GLRA2: variants seen among roughly 807,000 people sequenced by gnomAD.
GLRA2 encodes the protein glycine receptor subunit alpha-2.
A neutral mutation model predicts 31.6 loss-of-function variants in GLRA2; 11 were observed. The ratio of observed to expected loss-of-function variants is 0.35; its 90% confidence interval spans 0.22 to 0.58. The LOEUF is 0.58. Among genes scored for constraint, GLRA2 ranks in the 20% least tolerant of loss-of-function variants. The pLI, the probability that GLRA2 is intolerant of heterozygous loss-of-function variation, is 0.84. For synonymous variants in GLRA2, 132 were observed against 134.0 expected, an observed-to-expected ratio of 0.99 and a Z score of 0.10; for missense variants, 212 against 351.8, an observed-to-expected ratio of 0.60 and a Z score of 3.18.
chrX:14,484,739 G>A, the GLRA2 span, among the ~76,000 whole-genome samples: 1 of 111,838 alleles, frequency 8.9e-6, no homozygotes, highest in Non-Finnish European at 1.9e-5. Flanking sequence ...ACTATGTCAT[G>A]TTGGTGATGG....
chrX:14,688,909 G>C (rs1281820922), intron 7 of GLRA2, among the ~76,000 whole-genome samples: 1 of 111,759 alleles, frequency 8.9e-6, no homozygotes, highest in African/African-American at 3.2e-5. Context: ...GGGAGCTGTA[G>C]ACTGGAGCTG....
chrX:14,585,379 G>A (rs2090069041), intron 4 of GLRA2, among the ~76,000 whole-genome samples: 1 of 111,392 alleles, frequency 9.0e-6, no homozygotes, highest in Non-Finnish European at 1.9e-5. Context: ...AGGAAACAAG[G>A]AAAACAAAAG....
At chrX:14,721,239 T>A (rs1268982449) in intron 8 of GLRA2, among the ~76,000 whole-genome samples, 1 of 111,019 alleles carries the variant, frequency 9.0e-6, no homozygotes, top group African/African-American at 3.3e-5. Flanking sequence ...TTAGGAGGAT[T>A]ACGTTTTAGA....
chrX:14,649,385 A>T (rs2147136385), intron 7 of GLRA2, among the ~76,000 whole-genome samples: 1 of 111,448 alleles, frequency 9.0e-6, no homozygotes, highest in South Asian at 3.8e-4. Flanking sequence ...CATCAGTAGT[A>T]GGATGAGTAT....
intron 3 of GLRA2, among the ~76,000 whole-genome samples, chrX:14,574,861 C>T (rs1234052039): frequency 6.3e-5 from 7 of 111,332 alleles, no homozygotes; most frequent in African/African-American, 2.3e-4. Flanking sequence ...TAAATAGGTG[C>T]ATCTCCAATG....
At chrX:14,545,770 A>G (rs1905559458) in intron 2 of GLRA2, among the ~76,000 whole-genome samples, 1 of 111,340 alleles carries the variant, frequency 9.0e-6, no homozygotes, top group Non-Finnish European at 1.9e-5. Context: ...GTGTCATTAG[A>G]TATTGGGGTA....
chrX:14,483,083 T>C, the GLRA2 span, among the ~76,000 whole-genome samples: 1 of 111,921 alleles, frequency 8.9e-6, no homozygotes, highest in African/African-American at 3.2e-5. Flanking sequence ...AAGGCAACCC[T>C]CTTCCAATAC....
chrX:14,686,512 T>C (rs1282201039), intron 7 of GLRA2, among the ~76,000 whole-genome samples: 2 of 111,899 alleles, frequency 1.8e-5, no homozygotes, highest in Non-Finnish European at 3.8e-5. Context: ...GTTGGGTGCA[T>C]ATATCTTTAG....
chrX:14,694,949 G>A (rs1018410999), intron 8 of GLRA2, among the ~76,000 whole-genome samples: 8 of 111,971 alleles, frequency 7.1e-5, no homozygotes, highest in African/African-American at 1.9e-4. Flanking sequence ...TGTGACAAGC[G>A]CAGATTTGGA....
chrX:14,518,872 T>C, the GLRA2 span, among the ~76,000 whole-genome samples: 2 of 99,169 alleles, frequency 2.0e-5, no homozygotes, highest in South Asian at 9.7e-4. Flanking sequence ...ATTAGCCAGG[T>C]GTGGTGGTGG....
chrX:14,615,302 T>G (rs892060016), intron 7 of GLRA2, among the ~76,000 whole-genome samples: 5 of 111,585 alleles, frequency 4.5e-5, no homozygotes, highest in Non-Finnish European at 9.4e-5. Flanking sequence ...ATAATTCAAT[T>G]GATGATTCAT....
At chrX:14,594,624 G>A (rs995758651) in intron 4 of GLRA2, among the ~76,000 whole-genome samples, 3 of 111,576 alleles carry the variant, frequency 2.7e-5, no homozygotes, top group Non-Finnish European at 3.8e-5. Flanking sequence ...AAGCATTTGG[G>A]AAAATTTTAG....
rs183918050 is a variant in GLRA2 at position 14,571,164 on chromosome X, G to C, written c.203-3169G>C. On this transcript the variant is annotated intron_variant, in intron 2 of 8. Transcript: ENST00000218075. ...TTTACATAATTCTTTTCAACAGTCA[G>C]ATTCTCATTCAACTCATTTTTGAAT... 3.6e-5 allele frequency among the ~76,000 whole-genome samples: 4 copies of C among 112,066 alleles called. No individual in the cohort carries two copies. In the East Asian group the frequency reaches 1.1e-3, roughly 32 times the overall value.
chrX:14,688,034 C>T (rs1238350336), intron 7 of GLRA2, among the ~76,000 whole-genome samples: 1 of 112,370 alleles, frequency 8.9e-6, no homozygotes, highest in East Asian at 2.8e-4. Context: ...GGACCCTCAG[C>T]TGCAGGTCTG....
intron 8 of GLRA2, among the ~76,000 whole-genome samples, chrX:14,696,993 T>C (rs1262155888): frequency 1.8e-5 from 2 of 111,497 alleles, no homozygotes; most frequent in African/African-American, 6.5e-5. Flanking sequence ...TCACCGATGG[T>C]TGAATTTTGA....
At chrX:14,602,790 T>C (rs751850001) in intron 4 of GLRA2, among the ~76,000 whole-genome samples, 1 of 112,270 alleles carries the variant, frequency 8.9e-6, no homozygotes, top group Non-Finnish European at 1.9e-5. Context: ...TAGTATTCTA[T>C]CACATATATG....
intron 6 of GLRA2, among the ~76,000 whole-genome samples, chrX:14,608,162 A>C (rs758967748): frequency 9.0e-6 from 1 of 111,644 alleles, no homozygotes; most frequent in South Asian, 3.8e-4. Context: ...TCAACCCTAT[A>C]TCTTGTAATC....
At chrX:14,544,960 C>A (rs899167261) in intron 2 of GLRA2, among the ~76,000 whole-genome samples, 1 of 111,262 alleles carries the variant, frequency 9.0e-6, no homozygotes, top group Non-Finnish European at 1.9e-5. Context: ...GTGATGCCAC[C>A]TCAGACTTAA....
chrX:14,643,049 T>C (rs2090792621), intron 7 of GLRA2, among the ~76,000 whole-genome samples: 1 of 111,667 alleles, frequency 9.0e-6, no homozygotes, highest in Non-Finnish European at 1.9e-5. Flanking sequence ...GGCTTGAAAA[T>C]AGCGGTAACC....
Sources: gnomAD v4.1 joint callset for allele counts (sites outside exome capture counted in the v4.1 genomes callset) on GRCh38, gnomAD v4.1.1 for gene constraint, MANE v1.5 for transcripts, NCBI Gene and HGNC (gene_info 2026-07-23, HGNC 2026-07-21) for gene names.